Variants in ANKRD44 observed in about 807,000 individuals in gnomAD.
ANKRD44 encodes the protein ankyrin repeat domain 44.
Under a neutral mutation model 116.0 loss-of-function variants are expected in ANKRD44, and 35 were observed. That is an observed-to-expected ratio of 0.30 (90% confidence interval 0.23 to 0.40). ANKRD44 has a LOEUF of 0.40. ANKRD44 is among the 10% of genes least tolerant of loss of function. The probability of loss-of-function intolerance (pLI) is 1.00; values close to 1 mark genes in which losing one functional copy is unlikely to be tolerated. For synonymous variants in ANKRD44, 435 were observed against 461.8 expected (o/e 0.94, Z 0.74); for missense variants, 1,014 against 1,242.6 (o/e 0.82, Z 2.77).
rs765461821 is a variant in ANKRD44 at position 196,988,594 on chromosome 2, TAC to T, written c.*995_*996del. 317 of 983,500 alleles carry T rather than the reference TAC, an allele frequency of 3.2e-4. No individual in the cohort carries two copies. The highest frequency in any genetic ancestry group is 2.5e-4 in the Non-Finnish European group (206 of 828,258). The allele number at this position is 983,500 out of a possible 1,614,324, so 60.9% of individuals were successfully genotyped here. ...TTTTATAGCTAGATGAAAAATATAA[TAC>T]AGTTATCTGTCTTTGATCCAGATAT... On this transcript the variant is annotated 3_prime_UTR_variant, in exon 28 of 28. Coordinates refer to ENST00000282272, the MANE Select transcript of ANKRD44 (RefSeq NM_001195144.2).
intron 20 of ANKRD44, among the ~76,000 whole-genome samples, chr2:197,007,378 T>C (rs951778876): frequency 1.3e-5 from 2 of 152,102 alleles, no homozygotes; most frequent in African/African-American, 4.8e-5. Flanking sequence ...AACAAATCTA[T>C]ATATAGAAAA....
intron 20 of ANKRD44, among the ~76,000 whole-genome samples, chr2:197,007,002 G>A (rs576474609): frequency 1.3e-5 from 2 of 152,156 alleles, no homozygotes; most frequent in East Asian, 1.9e-4. Context: ...TTACTGGGGG[G>A]AGTTGAGGTG....
chr2:197,093,138 A>G (rs1349156685), intron 10 of ANKRD44, among the ~76,000 whole-genome samples: 1 of 151,922 alleles, frequency 6.6e-6, no homozygotes, highest in Non-Finnish European at 1.5e-5. Context: ...GTTCATATAC[A>G]CGCATAAATA....
At chr2:197,078,065 A>G (rs1202356626) in intron 16 of ANKRD44, 1 of 152,284 alleles carries the variant, frequency 6.6e-6, no homozygotes, top group African/African-American at 2.4e-5. Flanking sequence ...CTGAGTTTCT[A>G]GACTATGAAG....
chr2:197,122,035 C>T (rs1559081041), intron 7 of ANKRD44, among the ~76,000 whole-genome samples: 1 of 152,146 alleles, frequency 6.6e-6, no homozygotes, highest in Non-Finnish European at 1.5e-5. Context: ...AGTCCGACAC[C>T]TCACCAGGTT....
At position 196,986,749 on chromosome 2, in the gene ANKRD44, G is replaced by A. The variant is rs920032923; in HGVS notation, c.*2842C>T. On this transcript the variant is annotated 3_prime_UTR_variant, in exon 28 of 28. Transcript: ENST00000282272. The stretch of plus-strand genomic sequence containing the variant: ...ATATTACAGTTAAGTACTTCATTAC[G>A]TTATTAGAGCATTCAGTAGTTGCAA... 14 of 982,336 alleles carry A rather than the reference G, an allele frequency of 1.4e-5. No homozygotes were observed. Among genetic ancestry groups the A allele is most frequent in the Non-Finnish European group, 1.6e-5 (13 of 827,304 alleles). 60.9% of individuals were successfully genotyped at this position (982,336 alleles called of 1,614,324 possible).
intron 21 of ANKRD44, among the ~76,000 whole-genome samples, chr2:196,978,849 G>T (rs1574211333): frequency 7.0e-6 from 1 of 143,838 alleles, no homozygotes; most frequent in East Asian, 2.0e-4. Context: ...CCAACTCTCT[G>T]TTGTAACCAA....
intron 9 of ANKRD44, among the ~76,000 whole-genome samples, chr2:197,106,998 T>G (rs927810909): frequency 6.6e-6 from 1 of 152,086 alleles, no homozygotes; most frequent in Non-Finnish European, 1.5e-5. Context: ...GCAAATGAAA[T>G]CTCTTTACCG....
At chr2:197,003,647 G>A (rs1434215941) in intron 21 of ANKRD44, among the ~76,000 whole-genome samples, 1 of 152,142 alleles carries the variant, frequency 6.6e-6, no homozygotes, top group Non-Finnish European at 1.5e-5. Flanking sequence ...TCCCCTGCCT[G>A]TACCTGGAGA....
At chr2:196,968,654 T>C (rs966008090) in intron 21 of ANKRD44, among the ~76,000 whole-genome samples, 1 of 152,184 alleles carries the variant, frequency 6.6e-6, no homozygotes, top group African/African-American at 2.4e-5. Flanking sequence ...TCTCTGAACA[T>C]ACCTCATTTA....
chr2:197,184,448 C>T (rs1469195514), intron 2 of ANKRD44, among the ~76,000 whole-genome samples: 1 of 152,012 alleles, frequency 6.6e-6, no homozygotes, highest in African/African-American at 2.4e-5. Flanking sequence ...TCAAGACCAG[C>T]CTGGCCAACA....
chr2:197,269,256 T>C (rs1559203530), intron 1 of ANKRD44, among the ~76,000 whole-genome samples: 1 of 152,168 alleles, frequency 6.6e-6, no homozygotes, highest in African/African-American at 2.4e-5. Context: ...CTTTTATAAA[T>C]AAGCAATAAA....
chr2:197,179,098 A>G (rs1291276704), intron 2 of ANKRD44, among the ~76,000 whole-genome samples: 1 of 152,162 alleles, frequency 6.6e-6, no homozygotes. Context: ...CCTTTATCCT[A>G]TACCAAATGT....
chr2:197,147,050 A>G lies in ANKRD44; in HGVS notation c.167T>C (p.Ile56Thr). Residue 56 changes from isoleucine to threonine, a missense_variant, in exon 3 of 28, where the codon ATC becomes ACC. Coordinates refer to ENST00000282272, the MANE Select transcript of ANKRD44 (RefSeq NM_001195144.2). ...ACCTGACAAAATCAGGAGTTCAATGATCTCTGCATCTCCCAGAAATGCGGC... is the reference window on the plus strand; with the variant it reads ...ACCTGACAAAATCAGGAGTTCAATGGTCTCTGCATCTCCCAGAAATGCGGC... ...HVAAFLGDAEIIELLILSGAR... is the reference protein window; with the variant it reads ...HVAAFLGDAETIELLILSGAR... 8 of 1,613,852 alleles carry G rather than the reference A, an allele frequency of 5.0e-6. No individual in the cohort carries two copies. Among genetic ancestry groups the G allele is most frequent in the Non-Finnish European group, 6.8e-6 (8 of 1,179,768 alleles).
intron 1 of ANKRD44, among the ~76,000 whole-genome samples, chr2:197,209,230 A>G (rs528176043): frequency 2.4e-4 from 36 of 152,354 alleles, no homozygotes; most frequent in Admixed American, 5.9e-4. Context: ...GCAACTCTTA[A>G]TTATGTGAAT....
At chr2:197,207,026 T>C (rs986953396) in intron 1 of ANKRD44, among the ~76,000 whole-genome samples, 3 of 152,214 alleles carry the variant, frequency 2.0e-5, no homozygotes, top group African/African-American at 7.2e-5. Context: ...TTAAAAATCG[T>C]GATAAGATTT....
intron 1 of ANKRD44, among the ~76,000 whole-genome samples, chr2:197,217,820 C>T (rs1574295175): frequency 6.6e-6 from 1 of 152,144 alleles, no homozygotes; most frequent in African/African-American, 2.4e-5. Flanking sequence ...TTTGTAGGTT[C>T]TTTCCAGATC....
At chr2:197,103,526 G>A (rs1353711164) in intron 9 of ANKRD44, among the ~76,000 whole-genome samples, 1 of 152,054 alleles carries the variant, frequency 6.6e-6, no homozygotes, top group African/African-American at 2.4e-5. Context: ...GCCAGGGGCT[G>A]GGGACAAATG....
chr2:197,141,316 T>C (rs2079360812), intron 3 of ANKRD44, among the ~76,000 whole-genome samples: 2 of 152,240 alleles, frequency 1.3e-5, no homozygotes, highest in South Asian at 4.1e-4. Context: ...TCTAATATGT[T>C]TGATTACTAG....
Sources: gnomAD v4.1 joint callset for allele counts (sites outside exome capture counted in the v4.1 genomes callset) on GRCh38, gnomAD v4.1.1 for gene constraint, MANE v1.5 for transcripts, NCBI Gene and HGNC (gene_info 2026-07-23, HGNC 2026-07-21) for gene names.